The following DNAJC24 variants were observed in gnomAD, a reference collection of about 807,000 sequenced individuals.
DNAJC24 encodes dnaJ homolog subfamily C member 24.
A neutral mutation model predicts 18.0 loss-of-function variants in DNAJC24; 17 were observed. That is an observed-to-expected ratio of 0.94 (90% CI 0.65 to 1.42). The LOEUF is 1.42. Among genes scored for constraint, DNAJC24 ranks in the 40% most tolerant of loss-of-function variants. DNAJC24 has a pLI of 0.00. For synonymous variants in DNAJC24, 55 were observed against 57.7 expected, an observed-to-expected ratio of 0.95 and a Z score of 0.21; for missense variants, 158 against 175.6, an observed-to-expected ratio of 0.90 and a Z score of 0.57.
Position 31,370,837 on chromosome 11 carries a change from A to T in DNAJC24, c.89A>T (p.Lys30Ile). ...PSANISDLKQ[K>I]YQKLILMYHP... The stretch of plus-strand genomic sequence containing the variant: ...GCAAATATATCAGACCTAAAACAAA[A>T]ATATCAAAAACTCATATTAATGGTA... The change falls in exon 2 of 5, where the codon AAA (lysine) becomes ATA (isoleucine). Residue 30 changes from lysine to isoleucine, a missense_variant. By Grantham distance (102) the Lys-to-Ile change is moderately radical. Transcript: ENST00000465995. 2 of 1,606,500 alleles carry T rather than the reference A, an allele frequency of 1.2e-6. No individual in the cohort carries two copies. Among genetic ancestry groups the T allele is most frequent in the Non-Finnish European group, 8.5e-7 (1 of 1,175,302 alleles).
intron 2 of DNAJC24, among the ~76,000 whole-genome samples, chr11:31,397,728 C>A (rs1952556676): frequency 6.6e-6 from 1 of 152,100 alleles, no homozygotes; most frequent in South Asian, 2.1e-4. Context: ...CATTTCCTCA[C>A]CAACTGTTTA....
chr11:31,379,565 A>G (rs990511122), intron 2 of DNAJC24, among the ~76,000 whole-genome samples: 1 of 152,176 alleles, frequency 6.6e-6, no homozygotes, highest in African/African-American at 2.4e-5. Flanking sequence ...GTTGACTCAT[A>G]ATGGATGCAA....
rs1443832158 is a variant in DNAJC24, at chr11:31,374,721, A to G, written c.111+3862A>G. Among the ~76,000 whole-genome samples the G allele has an allele frequency of 5.3e-5, 7 of 132,900 alleles. 3 individuals are homozygous for G. The highest frequency in any genetic ancestry group is 1.2e-4 in the Non-Finnish European group (7 of 57,558). 87.2% of individuals were successfully genotyped at this position (132,900 alleles called of 152,430 possible). On this transcript the variant is annotated intron_variant, in intron 2 of 4. Coordinates refer to ENST00000465995, the MANE Select transcript of DNAJC24 (RefSeq NM_181706.5). ...TTGTTTAGTTTTGCCCCTCAACTCCACTCTCAAAGGTACTTAATGCCTTCC... is the reference window on the plus strand; with the variant it reads ...TTGTTTAGTTTTGCCCCTCAACTCCGCTCTCAAAGGTACTTAATGCCTTCC...
chr11:31,425,672 C>G (rs1010521877), intron 3 of DNAJC24, among the ~76,000 whole-genome samples: 2 of 152,092 alleles, frequency 1.3e-5, no homozygotes, highest in Non-Finnish European at 2.9e-5. Flanking sequence ...ACTTTTATGA[C>G]TCCATTTAAC....
At chr11:31,427,721 G>A (rs1231479162) in intron 4 of DNAJC24, 1 of 151,828 alleles carries the variant, frequency 6.6e-6, no homozygotes, top group Non-Finnish European at 1.5e-5. Flanking sequence ...TGCTATAGTC[G>A]ATATGGGTAA....
intron 2 of DNAJC24, among the ~76,000 whole-genome samples, chr11:31,380,246 A>G (rs763820188): frequency 6.6e-6 from 1 of 152,232 alleles, no homozygotes; most frequent in Non-Finnish European, 1.5e-5. Context: ...GTCAAAAACT[A>G]AAGAAAGAGA....
intron 2 of DNAJC24, among the ~76,000 whole-genome samples, chr11:31,391,924 G>C (rs1228857175): frequency 2.0e-5 from 3 of 152,106 alleles, no homozygotes; most frequent in African/African-American, 7.2e-5. Flanking sequence ...GCCATAAAAA[G>C]TGAGATCCTG....
At chr11:31,426,433 T>G in intron 4 of DNAJC24, 78 bp downstream of exon 4, 1 of 798,146 alleles carries the variant, frequency 1.3e-6, no homozygotes, top group South Asian at 1.8e-5. Flanking sequence ...CATTGGATAT[T>G]TGGAAATCTT....
chr11:31,396,774 A>G (rs1296417667), intron 2 of DNAJC24, among the ~76,000 whole-genome samples: 2 of 152,176 alleles, frequency 1.3e-5, no homozygotes, highest in Non-Finnish European at 2.9e-5. Context: ...ACAAATCCAC[A>G]TTTCTTGGCA....
chr11:31,405,066 C>CTTT (rs398015694), intron 2 of DNAJC24, among the ~76,000 whole-genome samples: 2 of 132,002 alleles, frequency 1.5e-5, no homozygotes, highest in Non-Finnish European at 1.6e-5. Context: ...ATTAGGAATT[C>CTTT]TTTTTTTTGT....
rs199997046 is a variant in DNAJC24 at position 31,388,842 on chromosome 11, GAAAC to G, written c.111+17989_111+17992del. Among the ~76,000 whole-genome samples, 1,206 of 152,126 alleles carry G rather than the reference GAAAC, an allele frequency of 7.9e-3. 14 individuals carry two copies. Among genetic ancestry groups the G allele is most frequent in the African/African-American group, 0.027 (1,130 of 41,510 alleles). On this transcript the variant is annotated intron_variant, in intron 2 of 4. Transcript: ENST00000465995. Reference sequence around the variant, plus strand: ...AGGCAGTATAATAAGATATAAAATAGAAACAAACATTTAAAAAGCAGGAGGATGA... The same window carrying G: ...AGGCAGTATAATAAGATATAAAATAGAAACATTTAAAAAGCAGGAGGATGA...
At chr11:31,401,652 A>C (rs1247949689) in intron 2 of DNAJC24, among the ~76,000 whole-genome samples, 1 of 152,146 alleles carries the variant, frequency 6.6e-6, no homozygotes, top group Non-Finnish European at 1.5e-5. Flanking sequence ...AGTGATATTT[A>C]GCAGAAGTTT....
intron 2 of DNAJC24, among the ~76,000 whole-genome samples, chr11:31,377,467 G>A (rs674035): frequency 0.71 from 107,457 of 151,910 alleles, 39,448 homozygotes; most frequent in African/African-American, 0.9. Flanking sequence ...CCGTGTAATA[G>A]TTTACTATAT....
At chr11:31,399,698 C>CA (rs1286620120) in intron 2 of DNAJC24, among the ~76,000 whole-genome samples, 1 of 150,726 alleles carries the variant, frequency 6.6e-6, no homozygotes, top group Non-Finnish European at 1.5e-5. Context: ...AGGCGTGAGC[C>CA]ACCATGCCCA....
intron 2 of DNAJC24, among the ~76,000 whole-genome samples, chr11:31,403,174 A>T (rs1274120144): frequency 6.7e-6 from 1 of 148,446 alleles, no homozygotes; most frequent in Non-Finnish European, 1.5e-5. Context: ...ATTCTTCTTC[A>T]TGAAGAAAAA....
chr11:31,396,269 A>G (rs1178306228), intron 2 of DNAJC24: 1 of 454,068 alleles, frequency 2.2e-6, no homozygotes, highest in Non-Finnish European at 4.4e-6. Context: ...CCACTGCTCT[A>G]TTTTCTTTTC....
At chr11:31,419,095 T>G (rs1003865388) in intron 3 of DNAJC24, among the ~76,000 whole-genome samples, 2 of 152,094 alleles carry the variant, frequency 1.3e-5, no homozygotes, top group African/African-American at 4.8e-5. Context: ...AATAATAACT[T>G]AAGGCCAGTA....
At chr11:31,424,336 A>G (rs556139792) in intron 3 of DNAJC24, among the ~76,000 whole-genome samples, 35 of 152,298 alleles carry the variant, frequency 2.3e-4, no homozygotes, top group African/African-American at 8.2e-4. Flanking sequence ...TTTACCCTAA[A>G]TAGGATTTGT....
At chr11:31,411,063 G>GA (rs1408157480) in intron 2 of DNAJC24, among the ~76,000 whole-genome samples, 4 of 151,700 alleles carry the variant, frequency 2.6e-5, no homozygotes, top group Non-Finnish European at 5.9e-5. Flanking sequence ...TTAAGGGCAA[G>GA]AAAAAAAATA....
Sources: gnomAD v4.1 joint callset for allele counts (sites outside exome capture counted in the v4.1 genomes callset) on GRCh38, gnomAD v4.1.1 for gene constraint, MANE v1.5 for transcripts, NCBI Gene and HGNC (gene_info 2026-07-23, HGNC 2026-07-21) for gene names.